Variants in ADAM10 observed in about 807,000 individuals in gnomAD.
ADAM10 encodes disintegrin and metalloproteinase domain-containing protein 10.
ADAM10 carries 17 observed loss-of-function variants against 90.1 expected under a neutral mutation model. That is an observed-to-expected ratio of 0.19 (90% CI 0.13 to 0.28). The LOEUF is 0.28. Among genes scored for constraint, ADAM10 ranks in the 10% least tolerant of loss-of-function variants. The probability of loss-of-function intolerance (pLI) is 1.00; values close to 1 mark genes in which losing one functional copy is unlikely to be tolerated. For synonymous variants in ADAM10, 310 were observed against 298.6 expected (o/e 1.04, Z -0.40); for missense variants, 610 against 914.3 (o/e 0.67, Z 4.29).
chr15:58,734,720 C>A (rs911572969), intron 1 of ADAM10, among the ~76,000 whole-genome samples: 2 of 149,686 alleles, frequency 1.3e-5, no homozygotes, highest in African/African-American at 4.9e-5. Flanking sequence ...AAAAAAAAAA[C>A]TGAAAAGAAA....
At position 58,701,014 on chromosome 15, in the gene ADAM10, C is replaced by CA. The variant is rs1257060994; in HGVS notation, c.206+16562dup. 1.4e-3 allele frequency among the ~76,000 whole-genome samples: 65 copies of CA among 44,906 alleles called. 3 individuals are homozygous for CA. Among genetic ancestry groups the CA allele is most frequent in the Middle Eastern group, 0.017 (1 of 60 alleles). 29.5% of individuals were successfully genotyped at this position (44,906 alleles called of 152,430 possible). A position where few individuals can be genotyped will look rare whatever the true frequency, so the allele number is the denominator to read the frequency against. On this transcript the variant is annotated intron_variant, in intron 2 of 15. Transcript: ENST00000260408. ...AACAAAATTCCAACTTAAAAAAAAA[C>CA]AAAAAAACAAAAAAAAAAAAACAGG...
intron 5 of ADAM10, among the ~76,000 whole-genome samples, chr15:58,646,534 A>C (rs377762496): frequency 1.3e-5 from 2 of 152,256 alleles, no homozygotes; most frequent in South Asian, 2.1e-4. Flanking sequence ...TCTACCATCC[A>C]GTTCTGTCAA....
At chr15:58,604,370 A>C (rs1303771088) in intron 14 of ADAM10, among the ~76,000 whole-genome samples, 1 of 152,136 alleles carries the variant, frequency 6.6e-6, no homozygotes, top group Non-Finnish European at 1.5e-5. Flanking sequence ...CAAAAATAAA[A>C]ATAAACAAAG....
intron 1 of ADAM10, among the ~76,000 whole-genome samples, chr15:58,743,298 G>C (rs1595673703): frequency 6.6e-6 from 1 of 152,062 alleles, no homozygotes; most frequent in Non-Finnish European, 1.5e-5. Flanking sequence ...CTGAAACTTT[G>C]TGTTGGCAGC....
chr15:58,600,664 A>T (rs944947279), intron 14 of ADAM10, among the ~76,000 whole-genome samples: 3 of 152,108 alleles, frequency 2.0e-5, no homozygotes, highest in Admixed American at 6.5e-5. Context: ...AAACAGAAAA[A>T]CCTTCAAAAA....
At chr15:58,653,681 T>C (rs60944445) in intron 5 of ADAM10, among the ~76,000 whole-genome samples, 4,122 of 152,300 alleles carry the variant, frequency 0.027, 126 homozygotes, top group East Asian at 0.083. Flanking sequence ...TTTTCTTTTT[T>C]TGCTGCCTTT....
intron 2 of ADAM10, chr15:58,693,111 G>C (rs747252746): frequency 1.2e-4 from 90 of 740,612 alleles, no homozygotes; most frequent in Non-Finnish European, 1.2e-4. Context: ...AGAAGGTATT[G>C]ATTATGAGAG....
Position 58,636,746 on chromosome 15 carries a change from G to GA in ADAM10, c.1013-3388dup, listed in dbSNP as rs1198307317. On this transcript the variant is annotated intron_variant, in intron 8 of 15. Transcript: ENST00000260408. ...CCCCACCCCCCAAAAAAAAGTCTTA[G>GA]AAAAAAATACAAGAGTAATATGATA... 2.6e-5 allele frequency among the ~76,000 whole-genome samples: 4 copies of GA among 151,836 alleles called. No individual in the cohort carries two copies. In the East Asian group the frequency reaches 5.8e-4, roughly 22 times the overall value.
At chr15:58,687,837 A>G (rs1897648347) in intron 2 of ADAM10, among the ~76,000 whole-genome samples, 1 of 152,230 alleles carries the variant, frequency 6.6e-6, no homozygotes, top group African/African-American at 2.4e-5. Context: ...TCATGCGACA[A>G]TCATGAAATA....
chr15:58,709,467 G>A (rs1380561414), intron 2 of ADAM10, among the ~76,000 whole-genome samples: 6 of 152,138 alleles, frequency 3.9e-5, no homozygotes, highest in Non-Finnish European at 5.9e-5. Context: ...GGCCAGGCAC[G>A]GTGACTCACG....
At chr15:58,691,627 CCTT>C (rs1329923734) in intron 2 of ADAM10, 1 of 434,336 alleles carries the variant, frequency 2.3e-6, no homozygotes, top group East Asian at 6.4e-5. Context: ...TTGTTATTCT[CCTT>C]GTCTTCTGCC....
At chr15:58,598,360 AC>A (rs1175764764) in intron 15 of ADAM10, among the ~76,000 whole-genome samples, 3 of 152,222 alleles carry the variant, frequency 2.0e-5, no homozygotes, top group Admixed American at 6.5e-5. Context: ...TTCCTTAAAT[AC>A]TAACATAAGT....
chr15:58,724,897 A>G (rs896042554), intron 1 of ADAM10, among the ~76,000 whole-genome samples: 12 of 152,316 alleles, frequency 7.9e-5, no homozygotes, highest in African/African-American at 2.6e-4. Context: ...GTGGAGTGAA[A>G]TTAGCCACAG....
chr15:58,748,935 G>C, intron 1 of ADAM10: 3 of 398,734 alleles, frequency 7.5e-6, no homozygotes, highest in Non-Finnish European at 1.3e-5. Context: ...GCCGGGTAAA[G>C]AACAATACAC....
At chr15:58,607,953 A>G (rs949363437) in intron 14 of ADAM10, among the ~76,000 whole-genome samples, 3 of 152,242 alleles carry the variant, frequency 2.0e-5, no homozygotes, top group African/African-American at 4.8e-5. Context: ...TAAGGTCTCA[A>G]CAGATTTACT....
chr15:58,725,051 C>G (rs1396606602), intron 1 of ADAM10, among the ~76,000 whole-genome samples: 3 of 151,756 alleles, frequency 2.0e-5, no homozygotes, highest in African/African-American at 7.3e-5. Flanking sequence ...TAGCTGGGCA[C>G]AGTGGCACAT....
chr15:58,626,514 A>G (rs1895950063), intron 10 of ADAM10, among the ~76,000 whole-genome samples: 1 of 152,090 alleles, frequency 6.6e-6, no homozygotes, highest in Admixed American at 6.5e-5. Context: ...ACACAAAAAA[A>G]CCCTAATACA....
chr15:58,693,057 A>T (rs765639221), intron 2 of ADAM10: 2 of 751,698 alleles, frequency 2.7e-6, no homozygotes, highest in Admixed American at 3.5e-5. Flanking sequence ...AGGCATCAGA[A>T]GCATTAGAGA....
chr15:58,718,697 T>C lies in ADAM10; in HGVS notation c.56-970A>G, dbSNP rs187021196. On this transcript the variant is annotated intron_variant, in intron 1 of 15. Transcript: ENST00000260408. ...ACCAGGTACCGTTCAATCTAATCTT[T>C]TGGGATGATTCTTTAGCCTCAGGTA... 2.6e-3 allele frequency among the ~76,000 whole-genome samples: 401 copies of C among 152,266 alleles called. 3 individuals carry two copies. Among genetic ancestry groups the C allele is most frequent in the Non-Finnish European group, 2.3e-3 (154 of 68,016 alleles).
Sources: gnomAD v4.1 joint callset for allele counts (sites outside exome capture counted in the v4.1 genomes callset) on GRCh38, gnomAD v4.1.1 for gene constraint, MANE v1.5 for transcripts, NCBI Gene and HGNC (gene_info 2026-07-23, HGNC 2026-07-21) for gene names.